EIF4A3: variants seen among roughly 807,000 people sequenced by gnomAD.
EIF4A3 encodes the protein eukaryotic initiation factor 4A-III.
In EIF4A3, 1 loss-of-function variant was observed where a neutral mutation model predicts 55.6. The observed-to-expected ratio is 0.02, with a 90% CI of 0.01 to 0.09. EIF4A3 has a LOEUF of 0.09. Ranked by LOEUF, EIF4A3 falls within the 10% of genes least tolerant of loss-of-function variation. The probability of loss-of-function intolerance (pLI) is 1.00; values close to 1 mark genes in which losing one functional copy is unlikely to be tolerated. For missense variants in EIF4A3, 221 were observed against 540.7 expected (o/e 0.41, Z 5.86); for synonymous variants, 194 against 196.3 (o/e 0.99, Z 0.10).
At chr17:80,146,579 C>T (rs2039664943) in intron 1 of EIF4A3, among the ~76,000 whole-genome samples, 1 of 152,192 alleles carries the variant, frequency 6.6e-6, no homozygotes, top group African/African-American at 2.4e-5. Context: ...CCGAGCTCTG[C>T]ACGGGGGACA....
intron 11 of EIF4A3, 174 bp downstream of exon 11, chr17:80,135,830 G>A: frequency 1.3e-6 from 1 of 763,800 alleles, no homozygotes; most frequent in East Asian, 2.6e-5. Flanking sequence ...AGGAGGCAGA[G>A]GTTGCAGTGA....
Position 80,134,950 on chromosome 17 carries a change from G to A in EIF4A3, c.*540C>T, listed in dbSNP as rs985132205. Among the ~76,000 whole-genome samples the A allele has an allele frequency of 3.9e-5, 6 of 152,088 alleles. No homozygotes were observed. The highest frequency in any genetic ancestry group is 5.9e-5 in the Non-Finnish European group (4 of 68,012). ...GTGGATCACGAGGTCAGGAGATCGA[G>A]ACCATCTTGGCTAACACGGTGAAAC... is the stretch of plus-strand genomic sequence containing the variant. On this transcript the variant is annotated 3_prime_UTR_variant, in exon 12 of 12. Transcript: ENST00000649764.
intron 2 of EIF4A3, among the ~76,000 whole-genome samples, 169 bp downstream of exon 2, chr17:80,144,003 C>T (rs1228074053): frequency 6.6e-6 from 1 of 152,030 alleles, no homozygotes; most frequent in East Asian, 1.9e-4. Flanking sequence ...AAGCTTTCCA[C>T]AGTAGAGAAC....
intron 8 of EIF4A3, 50 bp downstream of exon 8, chr17:80,138,092 T>G: frequency 1.3e-6 from 2 of 1,585,964 alleles, no homozygotes; most frequent in Admixed American, 1.8e-5. Flanking sequence ...ATTCAGAGAC[T>G]CAATCTGCAG....
chr17:80,136,598 T>G, intron 9 of EIF4A3: 1 of 496,560 alleles, frequency 2.0e-6, no homozygotes, highest in Non-Finnish European at 3.6e-6. Context: ...TAGACTATCT[T>G]TAACTTGTTT....
At chr17:80,139,882 T>C in intron 5 of EIF4A3, 126 bp downstream of exon 5, 1 of 1,507,526 alleles carries the variant, frequency 6.6e-7, no homozygotes, top group Non-Finnish European at 9.0e-7. Context: ...TCCCTCTACC[T>C]CCTGCAAGTG....
chr17:80,140,288 C>A (rs2039606670), intron 4 of EIF4A3, 148 bp from the exon 5 acceptor site: 10 of 956,734 alleles, frequency 1.0e-5, no homozygotes, highest in Non-Finnish European at 1.4e-5. Context: ...CTGCTCTTTT[C>A]TCTGACAAAA....
At chr17:80,136,370 T>TA in intron 9 of EIF4A3, 35 bp from the exon 10 acceptor site, 1 of 1,545,386 alleles carries the variant, frequency 6.5e-7, no homozygotes, top group Non-Finnish European at 8.9e-7. Context: ...GCGATTAAAT[T>TA]ACTCATACAA....
At chr17:80,137,352 C>A in intron 9 of EIF4A3, 34 bp downstream of exon 9, 1 of 1,595,092 alleles carries the variant, frequency 6.3e-7, no homozygotes, top group Non-Finnish European at 8.6e-7. Flanking sequence ...TCTAGCAAAC[C>A]CTGACCTGCA....
Position 80,146,820 on chromosome 17 carries a change from C to T in EIF4A3, c.142G>A (p.Asp48Asn). 1 of 1,610,566 alleles carries T rather than the reference C, an allele frequency of 6.2e-7. No homozygotes were observed. Among genetic ancestry groups the T allele is most frequent in the Non-Finnish European group, 8.5e-7 (1 of 1,179,046 alleles). The change falls in exon 1 of 12, where the codon GAC becomes AAC. Residue 48 changes from aspartate (D) to asparagine (N), a missense_variant. Transcript: ENST00000649764. Reference protein sequence around the residue: ...PTFDTMGLREDLLRGIYAYGF... With the variant: ...PTFDTMGLRENLLRGIYAYGF... ...TAAGCGTAGATGCCCCGCAGCAGGT[C>T]CTCCCGCAGGCCCATGGTGTCGAAC... is the stretch of plus-strand genomic sequence containing the variant.
intron 4 of EIF4A3, among the ~76,000 whole-genome samples, chr17:80,140,820 G>C (rs1567849792): frequency 1.3e-5 from 2 of 150,778 alleles, no homozygotes; most frequent in Non-Finnish European, 3.0e-5. Context: ...TTTTGAGACA[G>C]AGTTTCACTC....
rs986558421 is a variant in EIF4A3 at position 80,147,084 on chromosome 17, G to C, written c.-123C>G. The C allele has an allele frequency of 7.5e-7, 1 of 1,326,446 alleles. No individual in the cohort carries two copies. The highest frequency in any genetic ancestry group is 3.7e-5 in the Admixed American group (1 of 27,346). The allele number at this position is 1,326,446 out of a possible 1,614,324, so 82.2% of individuals were successfully genotyped here. A position where few individuals can be genotyped will look rare whatever the true frequency, so the allele number is the denominator to read the frequency against. On this transcript the variant is annotated 5_prime_UTR_variant, in exon 1 of 12. Transcript: ENST00000649764. The stretch of plus-strand genomic sequence containing the variant: ...ACCTCGCTGTGCCGCTGCCGACCTC[G>C]CTGTGCCGCTGCCGACCTCGCTGTG...
In EIF4A3 at chr17:80,139,006, A is replaced by T; in HGVS notation, c.728+15T>A. 6.2e-7 allele frequency: 1 copy of T among 1,612,900 alleles called. No individual in the cohort carries two copies. The highest frequency in any genetic ancestry group is 8.5e-7 in the Non-Finnish European group (1 of 1,179,428). On this transcript the variant is annotated intron_variant, in intron 7 of 11. Coordinates refer to ENST00000649764, the MANE Select transcript of EIF4A3 (RefSeq NM_014740.4). Reference sequence around the variant, plus strand: ...GGCCCAGTGTTTTAGTAAACTTGACAAGAGGGGCTCCTACCGTTTCACCAA... The same window carrying T: ...GGCCCAGTGTTTTAGTAAACTTGACTAGAGGGGCTCCTACCGTTTCACCAA...
intron 8 of EIF4A3, 129 bp from the exon 9 acceptor site, chr17:80,137,630 A>T (rs2039583473): frequency 1.4e-6 from 1 of 720,326 alleles, no homozygotes. Context: ...TAAAACTCAG[A>T]ATCATCCTAA....
intron 2 of EIF4A3, among the ~76,000 whole-genome samples, chr17:80,143,260 C>G (rs2039632199): frequency 6.6e-6 from 1 of 152,098 alleles, no homozygotes; most frequent in Admixed American, 6.5e-5. Flanking sequence ...CACCCCTCCC[C>G]CCATATCTGT....
chr17:80,141,939 T>C (rs2039622148), intron 2 of EIF4A3, 91 bp from the exon 3 acceptor site: 4 of 1,038,272 alleles, frequency 3.9e-6, no homozygotes, highest in Non-Finnish European at 5.9e-6. Context: ...GGCACTTAGG[T>C]ACCTTCTTCC....
chr17:80,137,470 G>T lies in EIF4A3; in HGVS notation c.899C>A (p.Ala300Asp). 5 of 1,613,882 alleles carry T rather than the reference G, an allele frequency of 3.1e-6. No individual in the cohort carries two copies. Residue 300 changes from alanine (A) to aspartate (D), a missense_variant, in exon 9 of 12, where the codon GCC becomes GAC. Ala to Asp is a moderately radical substitution (Grantham distance 126). This residue lies in a region of EIF4A3 where 93 missense variants were observed against 278.5 expected (regional missense o/e 0.33). Transcript: ENST00000649764. Reference protein sequence around the residue: ...VDWLTEKMREANFTVSSMHGD... With the variant: ...VDWLTEKMREDNFTVSSMHGD... ...ATGCATTGAGGATACAGTGAAGTTG[G>T]CTTCCCTCATTTTCTCCGTCAGCCA... is the stretch of plus-strand genomic sequence containing the variant.
At position 80,146,893 on chromosome 17, in the gene EIF4A3, C is replaced by T. The variant is rs146631753; in HGVS notation, c.69G>A (p.Met23Ile). 11 of 1,611,306 alleles carry T rather than the reference C, an allele frequency of 6.8e-6. No individual in the cohort carries two copies. The African/African-American group carries it at 1.1e-4, about 16-fold the overall frequency. ...CGCTGGTCTCGAATTCCACTTTAGTCATGTCTTCCTCTTTGAGCAGCCGCT... is the reference window on the plus strand; with the variant it reads ...CGCTGGTCTCGAATTCCACTTTAGTTATGTCTTCCTCTTTGAGCAGCCGCT... ...ARKRLLKEED[M>I]TKVEFETSEE... is the part of the protein sequence containing the mutation. The change falls in exon 1 of 12, where the codon ATG becomes ATA. Residue 23 changes from methionine (M) to isoleucine (I), a missense_variant. Transcript: ENST00000649764.
rs967429928 is a variant in EIF4A3 at position 80,141,250 on chromosome 17, C to T, written c.372+69G>A. 53 of 1,456,120 alleles carry T rather than the reference C, an allele frequency of 3.6e-5. No homozygotes were observed. In the Admixed American group the frequency reaches 5.4e-4, roughly 15 times the overall value. The allele number at this position is 1,456,120 out of a possible 1,614,324, so 90.2% of individuals were successfully genotyped here. On this transcript the variant is annotated intron_variant, in intron 4 of 11. Transcript: ENST00000649764. Reference sequence around the variant, plus strand: ...ACAGGATTGGATTAAATAAATAAGTCGGTGTTTCACAACTAAATCACAAAA... The same window carrying T: ...ACAGGATTGGATTAAATAAATAAGTTGGTGTTTCACAACTAAATCACAAAA...
Sources: allele counts gnomAD v4.1 joint callset (sites outside exome capture counted in the v4.1 genomes callset), GRCh38; gene constraint gnomAD v4.1.1; regional missense constraint gnomAD v4.1.1; transcripts MANE v1.5; gene names NCBI Gene and HGNC (gene_info 2026-07-23, HGNC 2026-07-21).